Variants in TRPM5 observed in about 807,000 individuals in gnomAD.
The protein encoded by TRPM5 is transient receptor potential cation channel subfamily M member 5, also known as MLSN1 and TRP-related.
TRPM5 carries 121 observed loss-of-function variants against 124.9 expected under a neutral mutation model. That is an observed-to-expected ratio of 0.97 (90% CI 0.84 to 1.13). The LOEUF (loss-of-function observed/expected upper bound fraction) is 1.13, where lower values mean the gene tolerates loss of function less well. Among genes scored for constraint, TRPM5 ranks in the 50% most tolerant of loss-of-function variants. The probability of loss-of-function intolerance (pLI) is 0.00; values close to 1 mark genes in which losing one functional copy is unlikely to be tolerated. For missense variants in TRPM5, 1,643 were observed against 1,589.1 expected (o/e 1.03, Z -0.58); for synonymous variants, 781 against 700.5 (o/e 1.11, Z -1.81).
chr11:2,413,654 G>T, intron 12 of TRPM5, 66 bp from the exon 18 acceptor site: 1 of 1,457,792 alleles, frequency 6.9e-7, no homozygotes, highest in Non-Finnish European at 9.4e-7. Context: ...CCTGCCCCAG[G>T]AATGCCCTTC....
chr11:2,437,915 G>C, the TRPM5 span, among the ~76,000 whole-genome samples: 1 of 152,164 alleles, frequency 6.6e-6, no homozygotes, highest in Non-Finnish European at 1.5e-5. This position sits in a 1 kb window ranked among gnomAD's most constrained non-coding sequence, Gnocchi z 5.6. Context: ...GGGGCTTGCT[G>C]ATGAACGTAA....
chr11:2,411,007 T>TC (rs1401596981), intron 18 of TRPM5, among the ~76,000 whole-genome samples: 1 of 151,926 alleles, frequency 6.6e-6, no homozygotes, highest in Non-Finnish European at 1.5e-5. Context: ...GCCTATCCCT[T>TC]CCCCACCGAT....
upstream of TRPM5, chr11:2,423,145 C>T (rs1845796437): frequency 4.7e-6 from 4 of 855,646 alleles, no homozygotes; most frequent in Admixed American, 4.7e-5. Flanking sequence ...GGAAGCCCCT[C>T]TCCAGCCAAC....
chr11:2,405,505 C>G, intron 23 of TRPM5, 22 bp downstream of exon 28: 1 of 1,552,098 alleles, frequency 6.4e-7, no homozygotes, highest in Non-Finnish European at 8.7e-7. Flanking sequence ...ACCCTCATCC[C>G]ACGCTCCCCA....
At chr11:2,438,386 T>C in the TRPM5 span, among the ~76,000 whole-genome samples, 1 of 152,166 alleles carries the variant, frequency 6.6e-6, no homozygotes, top group Non-Finnish European at 1.5e-5. This position sits in a 1 kb window ranked among gnomAD's most constrained non-coding sequence, Gnocchi z 5.9. Flanking sequence ...AGAAATTGGC[T>C]GGATGCAGTG....
In TRPM5 at chr11:2,415,210, G is replaced by T. The variant is rs760509925; in HGVS notation, c.1390C>A (p.His464Asn). ...TCCTTGAGTACGCGGGAGACCTCGTGCAGGGAGAAGGCCGGTGGCCCCGCG... is the reference window on the plus strand; with the variant it reads ...TCCTTGAGTACGCGGGAGACCTCGTTCAGGGAGAAGGCCGGTGGCCCCGCG... Residue 464 changes from histidine to asparagine, a missense_variant, in exon 9 of 24, where the codon CAC becomes AAC. Transcript: ENST00000155858. 4.3e-5 allele frequency: 68 copies of T among 1,581,234 alleles called. 2 individuals are homozygous for T. In the South Asian group the frequency reaches 7.6e-4, roughly 18 times the overall value.
intron 23 of TRPM5, 31 bp downstream of exon 28, chr11:2,405,496 C>T: frequency 1.3e-6 from 2 of 1,550,178 alleles, no homozygotes; most frequent in Non-Finnish European, 1.7e-6. Context: ...CCCATGCCCA[C>T]CCTCATCCCA....
chr11:2,411,984 C>T, intron 16 of TRPM5, 151 bp downstream of exon 21: 2 of 897,282 alleles, frequency 2.2e-6, no homozygotes, highest in Non-Finnish European at 3.5e-6. Flanking sequence ...TTGCTGCTGC[C>T]TCAACTTCCC....
In TRPM5 at chr11:2,422,912, G is replaced by A; in HGVS notation, c.117+8C>T. 1.2e-6 allele frequency: 2 copies of A among 1,610,782 alleles called. No homozygotes were observed. Among genetic ancestry groups the A allele is most frequent in the Non-Finnish European group, 1.7e-6 (2 of 1,177,588 alleles). ...GGACATCACCTGAGGCCTGGGGCCTGCCCTTACCTTGCCTCGCTTCTTCCC... is the reference window on the plus strand; with the variant it reads ...GGACATCACCTGAGGCCTGGGGCCTACCCTTACCTTGCCTCGCTTCTTCCC... On this transcript the variant is annotated splice_region_variant and intron_variant, in intron 1 of 23. Transcript: ENST00000155858.
upstream of TRPM5, chr11:2,423,118 G>A (rs1845796218): frequency 7.6e-6 from 9 of 1,191,806 alleles, no homozygotes; most frequent in South Asian, 1.3e-4. Context: ...TCAGGGGGCT[G>A]GCTCTGCTTT....
chr11:2,418,345 G>A, exon 6 of TRPM5: 1 of 1,553,910 alleles, frequency 6.4e-7, no homozygotes, highest in Non-Finnish European at 8.7e-7. Flanking sequence ...CTGCTCCACG[G>A]CCCTGGAGAT....
At chr11:2,438,800 T>C in the TRPM5 span, among the ~76,000 whole-genome samples, 1 of 152,186 alleles carries the variant, frequency 6.6e-6, no homozygotes, top group African/African-American at 2.4e-5. The surrounding 1 kb of genome is among the most constrained non-coding windows in gnomAD (Gnocchi z 5.9). Context: ...ACTACCAACG[T>C]CATTTTTCAC....
chr11:2,408,864 C>T lies in TRPM5; in HGVS notation c.2783-952G>A, dbSNP rs571885905. Reference sequence around the variant, plus strand: ...CCTCCCTCCCCAGCCTGCACGCTGGCGTGTGTCTGTGTGAGCCTGTACATG... The same window carrying T: ...CCTCCCTCCCCAGCCTGCACGCTGGTGTGTGTCTGTGTGAGCCTGTACATG... On this transcript the variant is annotated intron_variant, in intron 18 of 23. Coordinates refer to ENST00000155858, the Ensembl canonical transcript of TRPM5. Among the ~76,000 whole-genome samples, 13 of 152,362 alleles carry T rather than the reference C, an allele frequency of 8.5e-5. No individual in the cohort carries two copies. In the South Asian group the frequency reaches 1.2e-3, roughly 15 times the overall value.
the TRPM5 span, among the ~76,000 whole-genome samples, chr11:2,439,468 A>G: frequency 6.6e-6 from 1 of 152,230 alleles, no homozygotes; most frequent in Non-Finnish European, 1.5e-5. Flanking sequence ...AGGAACTCAA[A>G]CAATTCAACA....
the TRPM5 span, among the ~76,000 whole-genome samples, chr11:2,442,436 C>A: frequency 6.7e-6 from 1 of 149,660 alleles, no homozygotes; most frequent in Non-Finnish European, 1.5e-5. This position sits in a 1 kb window ranked among gnomAD's most constrained non-coding sequence, Gnocchi z 5.9. Flanking sequence ...TCTTTGGGAT[C>A]CTTTGGTTGA....
the TRPM5 span, among the ~76,000 whole-genome samples, chr11:2,440,791 C>T: frequency 2.0e-5 from 3 of 152,230 alleles, no homozygotes; most frequent in Non-Finnish European, 4.4e-5. This position sits in a 1 kb window ranked among gnomAD's most constrained non-coding sequence, Gnocchi z 5.2. Flanking sequence ...GGAAGACTAC[C>T]TGAAGGAGGA....
Position 2,405,049 on chromosome 11 carries a change from GGGAA to G in TRPM5, c.3392-10_3392-7del. On this transcript the variant is annotated splice_polypyrimidine_tract_variant and splice_region_variant and intron_variant, in intron 23 of 23. Transcript: ENST00000155858. ...CTCGCCACAGTGCTGAGAGCCTGCT[GGGAA>G]GGAAGGCCCCCCTGAGCGGTGGGAA... The G allele has an allele frequency of 6.2e-7, 1 of 1,610,682 alleles. No homozygotes were observed. The highest frequency in any genetic ancestry group is 8.5e-7 in the Non-Finnish European group (1 of 1,178,578).
In TRPM5 at chr11:2,405,514, C is replaced by T. The variant is rs1342724022; in HGVS notation, c.3391+13G>A. On this transcript the variant is annotated intron_variant, in intron 23 of 23. Transcript: ENST00000155858. ...ATGCCCACCCTCATCCCACGCTCCC[C>T]AAACAGGCTTACTCCGGGGGCCGCC... 2.6e-6 allele frequency: 4 copies of T among 1,554,684 alleles called. No individual in the cohort carries two copies. The South Asian group carries it at 3.6e-5, about 14-fold the overall frequency.
the TRPM5 span, among the ~76,000 whole-genome samples, chr11:2,440,508 C>CTCCTGCAT: frequency 6.6e-6 from 1 of 152,146 alleles, no homozygotes; most frequent in East Asian, 1.9e-4. The surrounding 1 kb of genome is among the most constrained non-coding windows in gnomAD (Gnocchi z 5.2). Context: ...CATTGGGTGC[C>CTCCTGCAT]TCCTGCATGC....
Sources: gnomAD v4.1 joint callset for allele counts (sites outside exome capture counted in the v4.1 genomes callset) on GRCh38, gnomAD v4.1.1 for gene constraint, Gnocchi (gnomAD v3.1) non-coding constraint, MANE v1.5 for transcripts, NCBI Gene and HGNC (gene_info 2026-07-23, HGNC 2026-07-21) for gene names.